Variants in PID1 observed in about 807,000 individuals in gnomAD.
PID1 encodes PTB-containing, cubilin and LRP1-interacting protein.
In PID1, 10 loss-of-function variants were observed where a neutral mutation model predicts 19.1. That is an observed-to-expected ratio of 0.52 (90% CI 0.32 to 0.89). PID1 has a LOEUF of 0.89. Ranked by LOEUF, PID1 falls within the 40% of genes least tolerant of loss-of-function variation. The pLI, the probability that PID1 is intolerant of heterozygous loss-of-function variation, is 0.03. For synonymous variants in PID1, 130 were observed against 116.0 expected (o/e 1.12, Z -0.78); for missense variants, 248 against 285.3 (o/e 0.87, Z 0.94).
intron 1 of PID1, among the ~76,000 whole-genome samples, chr2:229,180,540 T>G (rs367798028): frequency 6.6e-6 from 1 of 152,176 alleles, no homozygotes; most frequent in African/African-American, 2.4e-5. Context: ...TTACTGGAAA[T>G]GGAGGTTTCC....
At chr2:229,043,848 G>A (rs1164526264) in intron 2 of PID1, among the ~76,000 whole-genome samples, 1 of 152,114 alleles carries the variant, frequency 6.6e-6, no homozygotes, top group African/African-American at 2.4e-5. Context: ...ATGCATCTTG[G>A]CAATGCCCGG....
At chr2:229,210,196 G>A (rs1310189316) in intron 1 of PID1, among the ~76,000 whole-genome samples, 2 of 151,202 alleles carry the variant, frequency 1.3e-5, no homozygotes, top group Non-Finnish European at 1.5e-5. Flanking sequence ...TTCCAAACAG[G>A]AAGCAAGGAG....
chr2:229,118,526 A>G (rs1029729963), intron 2 of PID1, among the ~76,000 whole-genome samples: 20 of 152,296 alleles, frequency 1.3e-4, no homozygotes, highest in African/African-American at 4.6e-4. Flanking sequence ...TCTTTCTTCT[A>G]TGAAGGAAAA....
At chr2:229,229,950 TTAAG>T (rs1559295075) in intron 1 of PID1, among the ~76,000 whole-genome samples, 2 of 152,230 alleles carry the variant, frequency 1.3e-5, no homozygotes, top group African/African-American at 2.4e-5. Flanking sequence ...AGGTGATCTA[TTAAG>T]TTTTATTTAG....
At chr2:229,189,366 G>C (rs1487138181) in intron 1 of PID1, among the ~76,000 whole-genome samples, 1 of 152,176 alleles carries the variant, frequency 6.6e-6, no homozygotes, top group Admixed American at 6.5e-5. Flanking sequence ...GTCAAGCATG[G>C]TGCTTGGCAC....
intron 1 of PID1, among the ~76,000 whole-genome samples, chr2:229,258,658 T>A (rs1690369245): frequency 1.3e-5 from 2 of 152,078 alleles, no homozygotes; most frequent in Non-Finnish European, 2.9e-5. Flanking sequence ...AATCAAGATG[T>A]TGATCCTGGC....
intron 2 of PID1, among the ~76,000 whole-genome samples, chr2:229,052,284 T>C (rs948380445): frequency 2.0e-5 from 3 of 151,910 alleles, no homozygotes; most frequent in African/African-American, 7.2e-5. Flanking sequence ...TTGAGGCCCC[T>C]GGGGAAAAAA....
At chr2:229,093,170 T>A (rs1315238737) in intron 2 of PID1, among the ~76,000 whole-genome samples, 3 of 147,656 alleles carry the variant, frequency 2.0e-5, no homozygotes, top group African/African-American at 7.5e-5. Flanking sequence ...TCTCGCTCTG[T>A]CACCCAAGCT....
At chr2:229,069,143 T>TG (rs1553559154) in intron 2 of PID1, among the ~76,000 whole-genome samples, 2,269 of 140,664 alleles carry the variant, frequency 0.016, 25 homozygotes, top group African/African-American at 0.035. Context: ...AGAAGGGTTT[T>TG]TGTGTGTGTG....
chr2:229,211,211 A>T (rs1232547293), intron 1 of PID1, among the ~76,000 whole-genome samples: 2 of 152,128 alleles, frequency 1.3e-5, no homozygotes, highest in Admixed American at 1.3e-4. Flanking sequence ...ATCAGAGTGG[A>T]GCAAAGGAGC....
chr2:229,147,383 T>A (rs1312476390), intron 2 of PID1, among the ~76,000 whole-genome samples: 2 of 152,146 alleles, frequency 1.3e-5, no homozygotes, highest in African/African-American at 4.8e-5. Context: ...ATTAAAAATT[T>A]AGATAATGCA....
At chr2:229,034,761 A>C (rs1463323515) in intron 2 of PID1, among the ~76,000 whole-genome samples, 2 of 152,056 alleles carry the variant, frequency 1.3e-5, no homozygotes, top group African/African-American at 4.8e-5. Context: ...TTGTGTATAT[A>C]TATATATATA....
At chr2:229,177,014 C>A (rs1177882488) in intron 1 of PID1, among the ~76,000 whole-genome samples, 7 of 152,184 alleles carry the variant, frequency 4.6e-5, no homozygotes, top group African/African-American at 1.7e-4. Flanking sequence ...GGAGGCCTCA[C>A]AATCATGGCA....
chr2:229,059,391 C>T (rs887692822), intron 2 of PID1, among the ~76,000 whole-genome samples: 5 of 152,204 alleles, frequency 3.3e-5, no homozygotes, highest in South Asian at 2.1e-4. Flanking sequence ...ATGAAAGCAT[C>T]GCTGAATACC....
chr2:229,216,921 C>G (rs1691860955), intron 1 of PID1, among the ~76,000 whole-genome samples: 2 of 152,092 alleles, frequency 1.3e-5, no homozygotes, highest in Non-Finnish European at 2.9e-5. Flanking sequence ...AGGAAGATTT[C>G]TTAAATAAGC....
chr2:229,126,521 T>C (rs1181203756), intron 2 of PID1, among the ~76,000 whole-genome samples: 1 of 152,184 alleles, frequency 6.6e-6, no homozygotes, highest in African/African-American at 2.4e-5. Context: ...TTAATGACTC[T>C]TCATGCATGG....
chr2:229,180,096 A>C (rs759760081), intron 1 of PID1, among the ~76,000 whole-genome samples: 7 of 152,310 alleles, frequency 4.6e-5, no homozygotes, highest in Non-Finnish European at 7.3e-5. Flanking sequence ...CCAAATCTGA[A>C]GTCTCCTTCA....
intron 1 of PID1, among the ~76,000 whole-genome samples, chr2:229,219,838 A>T (rs917526468): frequency 4.6e-4 from 69 of 148,784 alleles, no homozygotes; most frequent in Admixed American, 3.2e-3. Flanking sequence ...TTTTATTTTT[A>T]TTTTTTTTTT....
At chr2:229,265,726 C>G (rs1039308959) in intron 1 of PID1, among the ~76,000 whole-genome samples, 2 of 152,136 alleles carry the variant, frequency 1.3e-5, no homozygotes, top group African/African-American at 2.4e-5. Flanking sequence ...AATAAAATAC[C>G]TTGTAGAAGG....
Sources: allele counts gnomAD v4.1 joint callset (sites outside exome capture counted in the v4.1 genomes callset), GRCh38; gene constraint gnomAD v4.1.1; transcripts MANE v1.5; gene names NCBI Gene and HGNC (gene_info 2026-07-23, HGNC 2026-07-21).